Variants in PDE11A observed in about 807,000 individuals in gnomAD.
PDE11A encodes the protein phosphodiesterase 11A.
A neutral mutation model predicts 100.5 loss-of-function variants in PDE11A; 100 were observed. That is an observed-to-expected ratio of 1.00 (90% CI 0.85 to 1.18). PDE11A has a LOEUF of 1.18. Ranked by LOEUF, PDE11A falls within the 50% of genes most tolerant of loss-of-function variation. PDE11A has a pLI of 0.00. For missense variants in PDE11A, 1,141 were observed against 1,152.6 expected (o/e 0.99, Z 0.15); for synonymous variants, 381 against 420.8 (o/e 0.91, Z 1.16).
chr2:177,922,821 T>C, intron 2 of PDE11A: 1 of 984,692 alleles, frequency 1.0e-6, no homozygotes, highest in Non-Finnish European at 1.2e-6. Context: ...AGCACTCTTC[T>C]CCCTCTACAT....
At chr2:177,840,110 C>A in intron 6 of PDE11A, 141 bp downstream of exon 6, 1 of 824,786 alleles carries the variant, frequency 1.2e-6, no homozygotes, top group South Asian at 1.6e-5. Context: ...AACTTAGAGT[C>A]AACAGTAGGC....
At chr2:177,856,305 G>A (rs2083832107) in intron 5 of PDE11A, among the ~76,000 whole-genome samples, 1 of 152,034 alleles carries the variant, frequency 6.6e-6, no homozygotes, top group African/African-American at 2.4e-5. Context: ...ATTAGATCGT[G>A]GGGTGAGGGG....
chr2:177,844,588 G>A (rs949604028), intron 5 of PDE11A, among the ~76,000 whole-genome samples: 32 of 151,596 alleles, frequency 2.1e-4, no homozygotes, highest in Non-Finnish European at 4.1e-4. Flanking sequence ...TCTCACAGAG[G>A]GGGATTTGGC....
chr2:177,953,573 G>T (rs970268410), intron 2 of PDE11A, among the ~76,000 whole-genome samples: 3 of 152,106 alleles, frequency 2.0e-5, no homozygotes, highest in Non-Finnish European at 4.4e-5. Context: ...AAAATAATCA[G>T]TTCCAATTTT....
At chr2:177,746,295 AAG>A (rs2081946334) in intron 10 of PDE11A, among the ~76,000 whole-genome samples, 1 of 152,196 alleles carries the variant, frequency 6.6e-6, no homozygotes, top group Non-Finnish European at 1.5e-5. Flanking sequence ...GAAGCATAGA[AAG>A]ATACAAAAAT....
intron 2 of PDE11A, chr2:177,998,773 T>A: frequency 1.3e-6 from 1 of 761,042 alleles, no homozygotes; most frequent in Non-Finnish European, 2.3e-6. Flanking sequence ...ATCGGCATGG[T>A]GAGCGACAAG....
intron 1 of PDE11A, among the ~76,000 whole-genome samples, chr2:178,019,787 G>A (rs371965905): frequency 1.2e-4 from 19 of 152,284 alleles, no homozygotes; most frequent in African/African-American, 4.3e-4. Context: ...ATAGACAAAA[G>A]ACAATGAGCC....
chr2:178,026,436 C>T (rs564141702), intron 1 of PDE11A, among the ~76,000 whole-genome samples: 28 of 152,000 alleles, frequency 1.8e-4, no homozygotes, highest in African/African-American at 5.8e-4. Context: ...CCAAGGTGGG[C>T]GGATCACTTG....
At chr2:178,096,973 G>A (rs2105886800) in intron 2 of PDE11A, among the ~76,000 whole-genome samples, 1 of 152,180 alleles carries the variant, frequency 6.6e-6, no homozygotes, top group African/African-American at 2.4e-5. Flanking sequence ...TGCAACCTCT[G>A]CCTCTGGGGT....
chr2:177,813,040 G>T (rs1204737802), intron 9 of PDE11A, among the ~76,000 whole-genome samples: 3 of 152,236 alleles, frequency 2.0e-5, no homozygotes, highest in African/African-American at 7.2e-5. Flanking sequence ...CAAAGACAAA[G>T]GTGGAAACTT....
rs748839068 is a variant in PDE11A at position 177,957,910 on chromosome 2, C to CTTTTTTTTTTTTTTTTTTTTTTTTTT, written c.1072-52724_1072-52723insAAAAAAAAAAAAAAAAAAAAAAAAAA. 1.0e-3 allele frequency among the ~76,000 whole-genome samples: 114 copies of CTTTTTTTTTTTTTTTTTTTTTTTTTT among 114,442 alleles called. 8 individuals carry two copies. Among genetic ancestry groups the CTTTTTTTTTTTTTTTTTTTTTTTTTT allele is most frequent in the Non-Finnish European group, 1.2e-3 (69 of 58,358 alleles). The allele number at this position is 114,442 out of a possible 152,430, so 75.1% of individuals were successfully genotyped here. On this transcript the variant is annotated intron_variant, in intron 2 of 19. Transcript: ENST00000286063. ...TCCTTTACCTTTGTTTTTCCAATGCCTTTTTTTTGAGACGGAGTCTCTTGC... is the reference window on the plus strand; with the variant it reads ...TCCTTTACCTTTGTTTTTCCAATGCCTTTTTTTTTTTTTTTTTTTTTTTTTTTTTTTTTTGAGACGGAGTCTCTTGC...
At chr2:178,021,283 T>C (rs1034004803) in intron 1 of PDE11A, among the ~76,000 whole-genome samples, 1 of 152,100 alleles carries the variant, frequency 6.6e-6, no homozygotes, top group Non-Finnish European at 1.5e-5. Context: ...TTAATGGTTT[T>C]AAAAAATAAT....
At chr2:177,922,008 CT>C (rs911744906) in intron 2 of PDE11A, 3 of 152,172 alleles carry the variant, frequency 2.0e-5, no homozygotes, top group African/African-American at 7.2e-5. Flanking sequence ...AAATATCTTA[CT>C]TTTGTTAACT....
At chr2:177,876,528 G>A (rs1277287055) in intron 4 of PDE11A, among the ~76,000 whole-genome samples, 1 of 148,452 alleles carries the variant, frequency 6.7e-6, no homozygotes, top group Non-Finnish European at 1.5e-5. Flanking sequence ...GGAATTTATG[G>A]AACAGAAAAT....
chr2:177,825,466 TC>T (rs1051068754), intron 6 of PDE11A, among the ~76,000 whole-genome samples: 2 of 152,056 alleles, frequency 1.3e-5, no homozygotes, highest in Non-Finnish European at 2.9e-5. Context: ...ATTAATGAAA[TC>T]CCCTAATTGC....
At chr2:177,760,305 G>A (rs988164208) in intron 10 of PDE11A, among the ~76,000 whole-genome samples, 5 of 152,130 alleles carry the variant, frequency 3.3e-5, no homozygotes, top group African/African-American at 4.8e-5. Flanking sequence ...TAGCATTAGT[G>A]TATAGTTTTT....
chr2:177,921,745 T>C (rs1170635017), intron 2 of PDE11A: 1 of 152,206 alleles, frequency 6.6e-6, no homozygotes, highest in Admixed American at 6.5e-5. Flanking sequence ...TATATCTGCA[T>C]CAAGATGTTG....
intron 19 of PDE11A, among the ~76,000 whole-genome samples, chr2:177,662,806 A>T (rs564153145): frequency 4.1e-5 from 6 of 146,672 alleles, no homozygotes; most frequent in African/African-American, 1.2e-4. Context: ...GTTATCAAAA[A>T]TTACATATCC....
intron 2 of PDE11A, among the ~76,000 whole-genome samples, chr2:178,012,682 C>A (rs144744049): frequency 6.6e-6 from 1 of 152,256 alleles, no homozygotes; most frequent in African/African-American, 2.4e-5. Context: ...CTCACAGGTA[C>A]AAGTCCATTA....
Sources: allele counts gnomAD v4.1 joint callset (sites outside exome capture counted in the v4.1 genomes callset), GRCh38; gene constraint gnomAD v4.1.1; transcripts MANE v1.5; gene names NCBI Gene and HGNC (gene_info 2026-07-23, HGNC 2026-07-21).